The following ADAMTS19 variants were observed in gnomAD, a reference collection of about 807,000 sequenced individuals.
ADAMTS19 encodes the protein A disintegrin and metalloproteinase with thrombospondin motifs 19.
In ADAMTS19, 93 loss-of-function variants were observed where a neutral mutation model predicts 153.3. The observed-to-expected ratio is 0.61, with a 90% CI of 0.51 to 0.72. ADAMTS19 has a LOEUF of 0.72. Ranked by LOEUF, ADAMTS19 falls within the 30% of genes least tolerant of loss-of-function variation. ADAMTS19 has a pLI of 0.00. For missense variants in ADAMTS19, 1,482 were observed against 1,552.1 expected, an observed-to-expected ratio of 0.95 and a Z score of 0.76; for synonymous variants, 600 against 556.6, an observed-to-expected ratio of 1.08 and a Z score of -1.10.
intron 15 of ADAMTS19, among the ~76,000 whole-genome samples, chr5:129,664,914 G>A (rs1027346632): frequency 3.3e-5 from 5 of 151,896 alleles, no homozygotes; most frequent in Admixed American, 6.6e-5. Flanking sequence ...TCATGTCTTG[G>A]GTCTAGCTAT....
chr5:129,597,900 C>A (rs77108743), intron 8 of ADAMTS19, among the ~76,000 whole-genome samples: 143 of 135,392 alleles, frequency 1.1e-3, no homozygotes, highest in Middle Eastern at 3.7e-3. Context: ...GTCTCTATCT[C>A]AAAAAAAAAA....
At chr5:129,674,963 T>A (rs184526883) in intron 16 of ADAMTS19, among the ~76,000 whole-genome samples, 75 of 152,308 alleles carry the variant, frequency 4.9e-4, no homozygotes, top group African/African-American at 1.7e-3. Context: ...AAATTTTGTT[T>A]GTCTGAATAT....
intron 10 of ADAMTS19, among the ~76,000 whole-genome samples, chr5:129,637,331 AC>A (rs1752575370): frequency 6.6e-6 from 1 of 152,224 alleles, no homozygotes; most frequent in Admixed American, 6.5e-5. Flanking sequence ...TATCAAACTT[AC>A]CTGTATTCTG....
chr5:129,657,501 A>T (rs1426394014), intron 14 of ADAMTS19, among the ~76,000 whole-genome samples: 1 of 152,226 alleles, frequency 6.6e-6, no homozygotes, highest in Non-Finnish European at 1.5e-5. Flanking sequence ...CCCTTTGAGT[A>T]TGTACAGCTT....
intron 21 of ADAMTS19, among the ~76,000 whole-genome samples, chr5:129,729,466 T>TA (rs1242098662): frequency 6.6e-6 from 1 of 151,932 alleles, no homozygotes. Context: ...CTTGATATTT[T>TA]ATTATTAAAA....
chr5:129,482,033 C>T (rs903551147), intron 2 of ADAMTS19, among the ~76,000 whole-genome samples: 5 of 152,150 alleles, frequency 3.3e-5, no homozygotes, highest in African/African-American at 1.2e-4. Context: ...CATCAGCTAG[C>T]ATAGAACATT....
At chr5:129,630,236 T>C (rs1214568938) in intron 10 of ADAMTS19, among the ~76,000 whole-genome samples, 12 of 152,152 alleles carry the variant, frequency 7.9e-5, no homozygotes, top group Admixed American at 5.2e-4. Context: ...AACCTAATAT[T>C]ATGAAGAACT....
chr5:129,482,480 CA>C (rs1343104950), intron 2 of ADAMTS19, among the ~76,000 whole-genome samples: 1 of 151,976 alleles, frequency 6.6e-6, no homozygotes, highest in Non-Finnish European at 1.5e-5. Flanking sequence ...TGTTTTTCTC[CA>C]AATTAAGGGA....
chr5:129,497,104 A>G (rs115249956), intron 2 of ADAMTS19, among the ~76,000 whole-genome samples: 1,646 of 152,158 alleles, frequency 0.011, 26 homozygotes, highest in African/African-American at 0.038. Context: ...AGCCTGAGCA[A>G]TGTGGGTTAG....
chr5:129,548,532 G>A (rs1182182067), intron 6 of ADAMTS19, among the ~76,000 whole-genome samples: 1 of 151,852 alleles, frequency 6.6e-6, no homozygotes, highest in Admixed American at 6.6e-5. Context: ...AACAACAGGT[G>A]CTGGAGAGGA....
chr5:129,672,127 C>A (rs1053059128), intron 16 of ADAMTS19, among the ~76,000 whole-genome samples: 1 of 152,104 alleles, frequency 6.6e-6, no homozygotes, highest in South Asian at 2.1e-4. Flanking sequence ...TGCATACTGC[C>A]GACTTCTAGC....
At chr5:129,675,669 C>T (rs907310124) in intron 16 of ADAMTS19, among the ~76,000 whole-genome samples, 1 of 151,242 alleles carries the variant, frequency 6.6e-6, no homozygotes, top group Non-Finnish European at 1.5e-5. Flanking sequence ...TCATAGTTTC[C>T]ATTACTCTTC....
chr5:129,701,714 T>C, intron 20 of ADAMTS19, 122 bp downstream of exon 20: 1 of 1,008,884 alleles, frequency 9.9e-7, no homozygotes, highest in African/African-American at 1.8e-5. Flanking sequence ...TTTATTAATT[T>C]TGTTGATGAT....
At chr5:129,470,035 A>G (rs1470457741) in intron 2 of ADAMTS19, among the ~76,000 whole-genome samples, 1 of 152,218 alleles carries the variant, frequency 6.6e-6, no homozygotes, top group Non-Finnish European at 1.5e-5. Context: ...TTAAAAATAA[A>G]CTATTTAATC....
intron 8 of ADAMTS19, among the ~76,000 whole-genome samples, chr5:129,599,995 A>T (rs116446126): frequency 6.6e-6 from 1 of 152,284 alleles, no homozygotes; most frequent in Non-Finnish European, 1.5e-5. Context: ...AGTCAGAATA[A>T]TGTCATGTTT....
chr5:129,708,976 T>C (rs1006323008), intron 21 of ADAMTS19, among the ~76,000 whole-genome samples: 3 of 152,006 alleles, frequency 2.0e-5, no homozygotes, highest in Non-Finnish European at 4.4e-5. Context: ...GCCCAGCCAG[T>C]TGGGTATATA....
At chr5:129,488,390 C>A (rs1750664461) in intron 2 of ADAMTS19, among the ~76,000 whole-genome samples, 1 of 152,044 alleles carries the variant, frequency 6.6e-6, no homozygotes, top group South Asian at 2.1e-4. Context: ...CACTCACACC[C>A]ATTTATATTT....
At chr5:129,686,353 G>A (rs1755090018) in intron 18 of ADAMTS19, among the ~76,000 whole-genome samples, 1 of 152,196 alleles carries the variant, frequency 6.6e-6, no homozygotes, top group Non-Finnish European at 1.5e-5. Context: ...AATGGTGATA[G>A]GATTGATGGA....
At chr5:129,655,488 A>G (rs1374359234) in intron 14 of ADAMTS19, among the ~76,000 whole-genome samples, 5 of 152,194 alleles carry the variant, frequency 3.3e-5, no homozygotes, top group Admixed American at 3.3e-4. Context: ...GAAACTGTTA[A>G]CTGGGCAAAT....
Sources: allele counts gnomAD v4.1 joint callset (sites outside exome capture counted in the v4.1 genomes callset), GRCh38; gene constraint gnomAD v4.1.1; transcripts MANE v1.5; gene names NCBI Gene and HGNC (gene_info 2026-07-23, HGNC 2026-07-21).